CFAP119: variants seen among roughly 807,000 people sequenced by gnomAD.
The protein encoded by CFAP119 is cilia- and flagella-associated protein 119.
the CFAP119 span, chr16:30,760,046 A>T: frequency 6.6e-7 from 1 of 1,519,696 alleles, no homozygotes; most frequent in Admixed American, 2.1e-5. Context: ...GTTATTGTGC[A>T]CTATGCATAT....
the CFAP119 span, chr16:30,761,667 C>T: frequency 0.015 from 23,107 of 1,535,918 alleles, 206 homozygotes; most frequent in Non-Finnish European, 0.018. Flanking sequence ...TCCTTCCCCG[C>T]TTCCCGCCGC....
the CFAP119 span, chr16:30,761,343 G>A: frequency 5.3e-6 from 8 of 1,510,530 alleles, no homozygotes; most frequent in Non-Finnish European, 6.4e-6. Context: ...GGACTAAGGA[G>A]AGGCGCGGGC....
the CFAP119 span, chr16:30,761,095 A>T: frequency 3.7e-6 from 5 of 1,336,342 alleles, no homozygotes; most frequent in African/African-American, 1.4e-5. Context: ...TCCAGGCCTC[A>T]GTCTCATCTG....
the CFAP119 span, chr16:30,759,776 T>C: frequency 6.4e-7 from 1 of 1,557,360 alleles, no homozygotes; most frequent in South Asian, 1.2e-5. Context: ...TATCCATTCA[T>C]TCACTTCACT....
At chr16:30,759,496 T>C in the CFAP119 span, 26 of 1,613,980 alleles carry the variant, frequency 1.6e-5, no homozygotes, top group Non-Finnish European at 2.1e-5. Flanking sequence ...CTGACTACCT[T>C]CCGGAGCCCT....
At chr16:30,761,118 G>T in the CFAP119 span, 1 of 1,509,138 alleles carries the variant, frequency 6.6e-7, no homozygotes, top group Admixed American at 1.7e-5. Flanking sequence ...AAATGGGGAT[G>T]CCCTGGCCAC....
chr16:30,761,192 A>G, the CFAP119 span: 6 of 1,613,698 alleles, frequency 3.7e-6, no homozygotes, highest in Non-Finnish European at 5.1e-6. Context: ...GTCTCTTCAC[A>G]CTCACCACAT....
the CFAP119 span, chr16:30,758,735 A>C: frequency 2.2e-6 from 1 of 449,396 alleles, no homozygotes; most frequent in Middle Eastern, 6.5e-4. Flanking sequence ...TTTGTATTTT[A>C]GTAGATAGGG....
the CFAP119 span, chr16:30,761,687 A>T: frequency 2.6e-6 from 4 of 1,535,750 alleles, no homozygotes; most frequent in Non-Finnish European, 2.6e-6. Flanking sequence ...CAGCTCGGAG[A>T]GATGTTCAAG....
At chr16:30,761,305 G>C in the CFAP119 span, 2 of 1,593,644 alleles carry the variant, frequency 1.3e-6, no homozygotes, top group South Asian at 2.2e-5. Flanking sequence ...GGCCGGAGAA[G>C]CCGCTGTAAC....
chr16:30,760,293 C>A, the CFAP119 span: 3 of 1,614,210 alleles, frequency 1.9e-6, no homozygotes, highest in Non-Finnish European at 2.5e-6. Context: ...CCAATACAAG[C>A]CTTGTGAAGA....
the CFAP119 span, chr16:30,760,002 T>C: frequency 9.5e-6 from 14 of 1,467,910 alleles, no homozygotes; most frequent in Non-Finnish European, 1.3e-5. Flanking sequence ...TTAAACATTC[T>C]GAAGCAAGAG....
chr16:30,759,305 G>A, the CFAP119 span: 12 of 1,612,430 alleles, frequency 7.4e-6, no homozygotes, highest in Middle Eastern at 1.6e-4. Flanking sequence ...GGGGAGGGGC[G>A]GTTGAGGGTG....
chr16:30,760,037 T>C, the CFAP119 span: 2 of 1,504,060 alleles, frequency 1.3e-6, no homozygotes, highest in Admixed American at 2.2e-5. Context: ...AAAGCAGGTG[T>C]TATTGTGCAC....
the CFAP119 span, chr16:30,757,894 G>A: frequency 2.1e-5 from 25 of 1,180,848 alleles, no homozygotes; most frequent in Non-Finnish European, 2.8e-5. Flanking sequence ...GTGACCTTAG[G>A]CAGGTTATTT....
chr16:30,760,118 G>C, the CFAP119 span: 1 of 1,545,970 alleles, frequency 6.5e-7, no homozygotes, highest in African/African-American at 1.4e-5. Context: ...TTAATTTCTA[G>C]ATAAGGAAGC....
the CFAP119 span, chr16:30,761,219 G>C: frequency 1.3e-5 from 21 of 1,613,652 alleles, 1 homozygote; most frequent in South Asian, 2.3e-4. Flanking sequence ...CCGGGGTCGG[G>C]GCAGCGGCGG....
At chr16:30,759,590 A>G in the CFAP119 span, 8 of 1,614,002 alleles carry the variant, frequency 5.0e-6, no homozygotes, top group African/African-American at 1.1e-4. Context: ...TGAATGTGAG[A>G]GAGACTGGGT....
chr16:30,760,046 A>AC, the CFAP119 span: 5 of 1,519,696 alleles, frequency 3.3e-6, no homozygotes, highest in South Asian at 4.9e-5. Context: ...GTTATTGTGC[A>AC]CTATGCATAT....
Sources: allele counts gnomAD v4.1 joint callset, GRCh38; gene constraint gnomAD v4.1.1; transcripts MANE v1.5; gene names NCBI Gene and HGNC (gene_info 2026-07-23, HGNC 2026-07-21).